Variants in MARCHF1 observed in about 807,000 individuals in gnomAD.
MARCHF1 encodes the protein membrane associated ring-CH-type finger 1.
A neutral mutation model predicts 54.2 loss-of-function variants in MARCHF1; 40 were observed. That is an observed-to-expected ratio of 0.74 (90% CI 0.57 to 0.96). The LOEUF (loss-of-function observed/expected upper bound fraction) is 0.96, where lower values mean the gene tolerates loss of function less well. Ranked by LOEUF, MARCHF1 falls within the 40% of genes least tolerant of loss-of-function variation. MARCHF1 has a pLI of 0.00. For missense variants in MARCHF1, 586 were observed against 656.5 expected (o/e 0.89, Z 1.17); for synonymous variants, 236 against 236.3 (o/e 1.00, Z 0.01).
chr4:163,892,502 G>A (rs1288190317), intron 3 of MARCHF1, among the ~76,000 whole-genome samples: 1 of 150,212 alleles, frequency 6.7e-6, no homozygotes, highest in African/African-American at 2.5e-5. Context: ...TTGTCATCAG[G>A]TACTCAATAC....
In MARCHF1 at chr4:164,324,405, A is replaced by T. The variant is rs17580437; in HGVS notation, c.-323+59465T>A. ...ACACTATTATTGAACATTGATGTGA[A>T]GATTCTAGTAAATATAATCAAAGAA... On this transcript the variant is annotated intron_variant, in intron 1 of 9. Transcript: ENST00000514618. Among the ~76,000 whole-genome samples, 1,037 of 151,968 alleles carry T rather than the reference A, an allele frequency of 6.8e-3. 6 individuals carry two copies. Among genetic ancestry groups the T allele is most frequent in the South Asian group, 0.035 (168 of 4,820 alleles).
At chr4:164,099,686 G>A (rs6536796) in intron 2 of MARCHF1, among the ~76,000 whole-genome samples, 63,631 of 151,804 alleles carry the variant, frequency 0.42, 14,342 homozygotes, top group Non-Finnish European at 0.5. Flanking sequence ...TTAATTATGC[G>A]GGAAAAACAA....
chr4:164,187,975 T>G (rs1443161064), intron 1 of MARCHF1, among the ~76,000 whole-genome samples: 1 of 152,174 alleles, frequency 6.6e-6, no homozygotes, highest in Non-Finnish European at 1.5e-5. Flanking sequence ...GTGAAGCCCT[T>G]CAGAATACTC....
At chr4:163,757,444 C>T (rs779267833) in intron 4 of MARCHF1, among the ~76,000 whole-genome samples, 4 of 152,186 alleles carry the variant, frequency 2.6e-5, no homozygotes, top group Non-Finnish European at 4.4e-5. Context: ...CTACATCCAG[C>T]TTGTTATTCA....
chr4:164,053,260 G>C (rs1369651767), intron 2 of MARCHF1, among the ~76,000 whole-genome samples: 1 of 152,010 alleles, frequency 6.6e-6, no homozygotes, highest in Non-Finnish European at 1.5e-5. Context: ...AGTTACCAAT[G>C]ACCATTTCTC....
At chr4:164,368,855 G>A (rs1730952503) in intron 1 of MARCHF1, among the ~76,000 whole-genome samples, 1 of 152,216 alleles carries the variant, frequency 6.6e-6, no homozygotes, top group South Asian at 2.1e-4. Context: ...AAAAGGCTAT[G>A]ATACCAGCTT....
At chr4:164,273,448 G>A (rs1217561218) in intron 1 of MARCHF1, among the ~76,000 whole-genome samples, 5 of 152,098 alleles carry the variant, frequency 3.3e-5, no homozygotes, top group African/African-American at 9.7e-5. Context: ...TGAGATTTAG[G>A]TGGGGATACA....
chr4:163,967,687 T>C (rs1752471018), intron 3 of MARCHF1, among the ~76,000 whole-genome samples: 1 of 152,122 alleles, frequency 6.6e-6, no homozygotes, highest in Admixed American at 6.6e-5. Flanking sequence ...CATCTATCTA[T>C]ATCGATATCT....
At chr4:164,350,827 A>T (rs1730286556) in intron 1 of MARCHF1, among the ~76,000 whole-genome samples, 1 of 151,794 alleles carries the variant, frequency 6.6e-6, no homozygotes, top group Non-Finnish European at 1.5e-5. Flanking sequence ...AAGATGGGTG[A>T]TTTCTGCATT....
At chr4:164,320,018 T>A (rs889780932) in intron 1 of MARCHF1, among the ~76,000 whole-genome samples, 12 of 152,172 alleles carry the variant, frequency 7.9e-5, no homozygotes, top group Non-Finnish European at 1.0e-4. Flanking sequence ...TAAACACAAT[T>A]TTATGCTTTA....
At chr4:164,270,616 CA>C (rs1733722993) in intron 1 of MARCHF1, among the ~76,000 whole-genome samples, 2 of 152,166 alleles carry the variant, frequency 1.3e-5, no homozygotes, top group Admixed American at 1.3e-4. Context: ...GAGCAATCTA[CA>C]AATGTAATTC....
chr4:164,307,017 A>G (rs916017360), intron 1 of MARCHF1, among the ~76,000 whole-genome samples: 1 of 152,194 alleles, frequency 6.6e-6, no homozygotes, highest in African/African-American at 2.4e-5. Flanking sequence ...TTAGCTATAT[A>G]AAGTTAAAAT....
chr4:164,321,836 A>C (rs1291436073), intron 1 of MARCHF1, among the ~76,000 whole-genome samples: 1 of 152,138 alleles, frequency 6.6e-6, no homozygotes, highest in African/African-American at 2.4e-5. Context: ...TAAATGTACT[A>C]GTGTAATCTA....
intron 3 of MARCHF1, among the ~76,000 whole-genome samples, chr4:163,930,579 GA>G (rs1751650190): frequency 6.6e-6 from 1 of 151,520 alleles, no homozygotes. Context: ...AAACATTCTG[GA>G]AGTGTTTGTC....
chr4:163,921,210 C>G (rs1751422503), intron 3 of MARCHF1, among the ~76,000 whole-genome samples: 1 of 152,084 alleles, frequency 6.6e-6, no homozygotes, highest in Non-Finnish European at 1.5e-5. Context: ...ACACACAGTG[C>G]TATCAATTTG....
intron 4 of MARCHF1, among the ~76,000 whole-genome samples, chr4:163,803,661 C>G (rs1168290804): frequency 6.6e-6 from 1 of 152,128 alleles, no homozygotes; most frequent in Non-Finnish European, 1.5e-5. Flanking sequence ...GGGATTTTTA[C>G]CTAGAGCTAA....
intron 1 of MARCHF1, among the ~76,000 whole-genome samples, chr4:164,313,686 T>A (rs1477746176): frequency 2.0e-5 from 3 of 151,838 alleles, no homozygotes; most frequent in African/African-American, 7.3e-5. Context: ...GAAAAAAAAA[T>A]ATCCAAATAA....
intron 9 of MARCHF1, 135 bp downstream of exon 9, chr4:163,545,457 GGGAA>G (rs1461370983): frequency 5.1e-5 from 36 of 706,476 alleles, no homozygotes; most frequent in Middle Eastern, 3.4e-4. Flanking sequence ...AACATGATTA[GGGAA>G]GAATCAATAG....
chr4:164,045,059 C>G (rs1754212353), intron 2 of MARCHF1, among the ~76,000 whole-genome samples: 1 of 151,540 alleles, frequency 6.6e-6, no homozygotes, highest in Non-Finnish European at 1.5e-5. Context: ...AAAAGTCATA[C>G]AACTATACAC....
Sources: allele counts gnomAD v4.1 joint callset (sites outside exome capture counted in the v4.1 genomes callset), GRCh38; gene constraint gnomAD v4.1.1; transcripts MANE v1.5; gene names NCBI Gene and HGNC (gene_info 2026-07-23, HGNC 2026-07-21).